Variants in TAF5L observed in about 807,000 individuals in gnomAD.
TAF5L encodes the protein TATA-box binding protein associated factor 5 like, also known as TAF5-like RNA polymerase II p300/CBP-associated factor-associated factor 65 kDa subunit 5L.
Under a neutral mutation model 51.3 loss-of-function variants are expected in TAF5L, and 7 were observed. The observed-to-expected ratio is 0.14, with a 90% CI of 0.08 to 0.26. The LOEUF is 0.26. Ranked by LOEUF, TAF5L falls within the 10% of genes least tolerant of loss-of-function variation. The probability of loss-of-function intolerance (pLI) is 1.00; values close to 1 mark genes in which losing one functional copy is unlikely to be tolerated. For synonymous variants in TAF5L, 291 were observed against 308.1 expected (o/e 0.94, Z 0.58); for missense variants, 575 against 758.9 (o/e 0.76, Z 2.85).
chr1:229,600,672 T>C, intron 4 of TAF5L: 1 of 985,468 alleles, frequency 1.0e-6, no homozygotes, highest in African/African-American at 1.7e-5. Flanking sequence ...ACTTAATTTC[T>C]TTCAGTTCCT....
intron 4 of TAF5L, chr1:229,601,825 T>C: frequency 9.7e-7 from 1 of 1,031,120 alleles, no homozygotes; most frequent in African/African-American, 1.7e-5. Context: ...TTCGACTCAG[T>C]TATCCTACTA....
In TAF5L at chr1:229,598,035, C is replaced by T. The variant is rs538221830; in HGVS notation, c.973-2941G>A. The stretch of plus-strand genomic sequence containing the variant: ...CAGGAAGACATTAAATTTGGCTGGA[C>T]TTGTGAGTGTATTAGACTTGGAAGC... On this transcript the variant is annotated intron_variant, in intron 4 of 4. Coordinates refer to ENST00000258281, the Ensembl canonical transcript of TAF5L. Among the ~76,000 whole-genome samples, 3 of 152,292 alleles carry T rather than the reference C, an allele frequency of 2.0e-5. No homozygotes were observed. The South Asian group carries it at 6.2e-4, about 32-fold the overall frequency.
intron 2 of TAF5L, among the ~76,000 whole-genome samples, chr1:229,611,498 G>C (rs996366368): frequency 6.6e-6 from 1 of 152,144 alleles, no homozygotes. Flanking sequence ...AAACACAGGT[G>C]AGAGGAAAGC....
chr1:229,594,880 C>T lies in TAF5L; in HGVS notation c.1187G>A (p.Ser396Asn). 1.2e-6 allele frequency: 2 copies of T among 1,614,216 alleles called. No homozygotes were observed. Among genetic ancestry groups the T allele is most frequent in the South Asian group, 2.2e-5 (2 of 91,084 alleles). ...GTGGGACCCGCTGGCGAAGTACAGGCTATATGGACTGATGTCCAGATCCCA... is the reference window on the plus strand; with the variant it reads ...GTGGGACCCGCTGGCGAAGTACAGGTTATATGGACTGATGTCCAGATCCCA... Residue 396 changes from serine (S) to asparagine (N), a missense_variant, in exon 5 of 5, where the codon AGC becomes AAC. This residue lies in a region of TAF5L where 104 missense variants were observed against 218.3 expected (regional missense o/e 0.48). Coordinates refer to ENST00000258281, the Ensembl canonical transcript of TAF5L. The surrounding 1 kb of genome is among the most constrained non-coding windows in gnomAD (Gnocchi z 7.9).
At position 229,594,381 on chromosome 1, in the gene TAF5L, C is replaced by T; in HGVS notation, c.1686G>A (p.Gln562=). 6.2e-7 allele frequency: 1 copy of T among 1,614,200 alleles called. No individual in the cohort carries two copies. Among genetic ancestry groups the T allele is most frequent in the Non-Finnish European group, 8.5e-7 (1 of 1,180,034 alleles). Residue 562 remains glutamine, a synonymous_variant, in exon 5 of 5, where the codon CAG becomes CAA. Coordinates refer to ENST00000258281, the Ensembl canonical transcript of TAF5L. This position sits in a 1 kb window ranked among gnomAD's most constrained non-coding sequence, Gnocchi z 7.9. ...ACTGCACGCTCAGGACGTTGCTCAT[C>T]TGCCCGGTGTACACGCCCACGAGCT...
chr1:229,600,789 T>G (rs556368446), intron 4 of TAF5L: 43 of 985,258 alleles, frequency 4.4e-5, no homozygotes, highest in Non-Finnish European at 5.2e-5. Context: ...GTGGCCAGAG[T>G]CTTAAAATGT....
chr1:229,599,808 T>C (rs1028422925), intron 4 of TAF5L: 1 of 984,956 alleles, frequency 1.0e-6, no homozygotes, highest in African/African-American at 1.7e-5. Context: ...GAAGTGGAAT[T>C]GCTGGGTGTG....
At position 229,594,314 on chromosome 1, in the gene TAF5L, C is replaced by G. The variant is rs1664033214; in HGVS notation, c.1753G>C (p.Glu585Gln). The change falls in exon 5 of 5, where the codon GAA (glutamate) becomes CAA (glutamine). Residue 585 changes from glutamate to glutamine, a missense_variant. Around this residue, in one of 3 missense-constraint regions of TAF5L, gnomAD observed 91 missense variants for 96.9 expected, o/e 0.94. Transcript: ENST00000258281. This position sits in a 1 kb window ranked among gnomAD's most constrained non-coding sequence, Gnocchi z 7.9. ...TTAAAAAATTAATGTTCCTGATTTTCTTGTGTAATTCCAGTCACCAGAAGA... is the reference window on the plus strand; with the variant it reads ...TTAAAAAATTAATGTTCCTGATTTTGTTGTGTAATTCCAGTCACCAGAAGA... The G allele has an allele frequency of 2.5e-6, 4 of 1,605,396 alleles. No individual in the cohort carries two copies. Among genetic ancestry groups the G allele is most frequent in the Admixed American group, 1.7e-5 (1 of 59,496 alleles).
chr1:229,615,729 T>C (rs1664956379), intron 1 of TAF5L, among the ~76,000 whole-genome samples: 1 of 152,186 alleles, frequency 6.6e-6, no homozygotes, highest in Admixed American at 6.5e-5. Flanking sequence ...AAATAAATAC[T>C]GCAGTCCAGA....
chr1:229,601,053 T>A, intron 4 of TAF5L: 1 of 982,550 alleles, frequency 1.0e-6, no homozygotes, highest in Non-Finnish European at 1.2e-6. Context: ...ATAAAAAATA[T>A]TTTGGAGAGT....
chr1:229,625,308 G>C lies in TAF5L; in HGVS notation c.-4+577C>G, dbSNP rs1407500257. Among the ~76,000 whole-genome samples the C allele has an allele frequency of 6.6e-6, 1 of 152,162 alleles. No homozygotes were observed. Among genetic ancestry groups the C allele is most frequent in the African/African-American group, 2.4e-5 (1 of 41,456 alleles). ...CGCACCAACCTTACCTTGCTGTCAT[G>C]AGGCAACGAGCCCCGAGAGACACCC... On this transcript the variant is annotated intron_variant, in intron 1 of 4. Coordinates refer to ENST00000258281, the Ensembl canonical transcript of TAF5L. The surrounding 1 kb of genome is among the most constrained non-coding windows in gnomAD (Gnocchi z 4.0).
chr1:229,606,132 T>C (rs770099026), intron 3 of TAF5L: 40 of 985,302 alleles, frequency 4.1e-5, no homozygotes, highest in Non-Finnish European at 4.8e-5. Flanking sequence ...AATTCACTGT[T>C]GCTTCAGCTC....
rs182358199 is a variant in TAF5L, at chr1:229,620,402, C to T, written c.-4+5483G>A. ...CTGGACTATTCCAATATTCTTCCACCTTTAGGCCCTCCTCATATGGCCCTT... is the reference window on the plus strand; with the variant it reads ...CTGGACTATTCCAATATTCTTCCACTTTTAGGCCCTCCTCATATGGCCCTT... On this transcript the variant is annotated intron_variant, in intron 1 of 4. Transcript: ENST00000258281. Among the ~76,000 whole-genome samples the T allele has an allele frequency of 3.6e-3, 543 of 152,324 alleles. 4 individuals are homozygous for T. Among genetic ancestry groups the T allele is most frequent in the African/African-American group, 0.012 (516 of 41,568 alleles).
chr1:229,601,517 C>G, intron 4 of TAF5L: 1 of 985,416 alleles, frequency 1.0e-6, no homozygotes, highest in South Asian at 4.7e-5. Flanking sequence ...CAAGCTGCGC[C>G]TGCCCTTTTC....
At chr1:229,601,334 C>T (rs1049225321) in intron 4 of TAF5L, 21 of 985,208 alleles carry the variant, frequency 2.1e-5, no homozygotes, top group Non-Finnish European at 2.4e-5. Flanking sequence ...AATTTTCCAT[C>T]CAAAGTAATG....
At chr1:229,599,100 G>C (rs1211096505) in intron 4 of TAF5L, 1 of 212,628 alleles carries the variant, frequency 4.7e-6, no homozygotes, top group African/African-American at 2.3e-5. Flanking sequence ...CTCATACCAA[G>C]GTAAAAAGCA....
At chr1:229,621,503 T>C (rs1354509344) in intron 1 of TAF5L, among the ~76,000 whole-genome samples, 3 of 152,178 alleles carry the variant, frequency 2.0e-5, no homozygotes, top group African/African-American at 7.2e-5. Flanking sequence ...ACTGACAATA[T>C]ACAACACTCT....
chr1:229,616,699 C>G (rs1011933146), intron 1 of TAF5L, among the ~76,000 whole-genome samples: 3 of 152,228 alleles, frequency 2.0e-5, no homozygotes, highest in African/African-American at 7.2e-5. Context: ...AAAATATACT[C>G]TGAAGACCTA....
At chr1:229,607,631 G>A (rs947369038) in intron 3 of TAF5L, 3 of 235,238 alleles carry the variant, frequency 1.3e-5, no homozygotes, top group African/African-American at 7.0e-5. Context: ...CATTCTGAAT[G>A]CAATTCCTAT....
Sources: allele counts gnomAD v4.1 joint callset (sites outside exome capture counted in the v4.1 genomes callset), GRCh38; gene constraint gnomAD v4.1.1; regional missense constraint gnomAD v4.1.1; non-coding constraint Gnocchi (gnomAD v3.1); transcripts MANE v1.5; gene names NCBI Gene and HGNC (gene_info 2026-07-23, HGNC 2026-07-21).